FOXM1: variants seen among roughly 807,000 people sequenced by gnomAD.
FOXM1 encodes the protein forkhead box protein M1.
A neutral mutation model predicts 63.6 loss-of-function variants in FOXM1; 25 were observed. The ratio of observed to expected loss-of-function variants is 0.39; its 90% CI spans 0.29 to 0.55. FOXM1 has a LOEUF of 0.55. Ranked by LOEUF, FOXM1 falls within the 20% of genes least tolerant of loss-of-function variation. FOXM1 has a pLI of 0.60. For missense variants in FOXM1, 879 were observed against 958.7 expected (o/e 0.92, Z 1.10); for synonymous variants, 387 against 376.9 (o/e 1.03, Z -0.31).
rs1251642019 is a variant in FOXM1, at chr12:2,858,178, AG to A, written c.*459del. 1 of 155,728 alleles carries A rather than the reference AG, an allele frequency of 6.4e-6. No individual in the cohort carries two copies. Among genetic ancestry groups the A allele is most frequent in the Non-Finnish European group, 1.4e-5 (1 of 70,130 alleles). The allele number at this position is 155,728 out of a possible 1,614,324, so 9.6% of individuals were successfully genotyped here. On this transcript the variant is annotated 3_prime_UTR_variant, in exon 9 of 9. Coordinates refer to ENST00000359843, the MANE Select transcript of FOXM1 (RefSeq NM_021953.4). The stretch of plus-strand genomic sequence containing the variant: ...TTCCCTTCTATCAAAACTAAAAGCA[AG>A]GAACAGAAGTCAATTGAAACCCCAG...
chr12:2,865,468 G>T, intron 5 of FOXM1, 69 bp from the exon 6 acceptor site: 1 of 1,342,572 alleles, frequency 7.4e-7, no homozygotes, highest in Non-Finnish European at 1.1e-6. Flanking sequence ...AATTTGACCG[G>T]ATTGGGAAAA....
rs1183668823 is a variant in FOXM1 at position 2,869,992 on chromosome 12, C to CTT, written c.655-1240_655-1239dup. 8.0e-3 allele frequency among the ~76,000 whole-genome samples: 1,135 copies of CTT among 142,150 alleles called. 16 individuals carry two copies. Among genetic ancestry groups the CTT allele is most frequent in the African/African-American group, 0.027 (1,045 of 39,060 alleles). 93.3% of individuals were successfully genotyped at this position (142,150 alleles called of 152,430 possible). ...ACATATACACGCATGTAAATTTTCA[C>CTT]TTTTTTTTTTTTTTTGAGACAGAGT... is the stretch of plus-strand genomic sequence containing the variant. On this transcript the variant is annotated intron_variant, in intron 3 of 8. Coordinates refer to ENST00000359843, the MANE Select transcript of FOXM1 (RefSeq NM_021953.4).
chr12:2,876,008 G>A (rs1039423644), intron 1 of FOXM1, among the ~76,000 whole-genome samples: 6 of 151,104 alleles, frequency 4.0e-5, no homozygotes, highest in African/African-American at 7.3e-5. Context: ...TGATCCACCC[G>A]CCTCGGCCTC....
At position 2,874,404 on chromosome 12, in the gene FOXM1, A is replaced by C; in HGVS notation, c.75T>G (p.Ser25Arg). ...RLPLPVQNAPSETSEEEPKRS... is the reference protein window; with the variant it reads ...RLPLPVQNAPRETSEEEPKRS... ...TCTTAGGTTCCTCCTCTGATGTTTC[A>C]CTTGGGGCATTTTGAACAGGAAGGG... The change falls in exon 2 of 9, where the codon AGT becomes AGG. Residue 25 changes from serine to arginine, a missense_variant. By Grantham distance (110) the Ser-to-Arg change is moderately radical (BLOSUM62 -1). Transcript: ENST00000359843. This position sits in a 1 kb window ranked among gnomAD's most constrained non-coding sequence, Gnocchi z 4.3. The C allele has an allele frequency of 1.9e-6, 3 of 1,614,026 alleles. No homozygotes were observed. Among genetic ancestry groups the C allele is most frequent in the Non-Finnish European group, 2.5e-6 (3 of 1,180,008 alleles).
At chr12:2,862,855 A>G (rs2098116473) in intron 8 of FOXM1, among the ~76,000 whole-genome samples, 2 of 151,902 alleles carry the variant, frequency 1.3e-5, no homozygotes, top group African/African-American at 2.4e-5. Flanking sequence ...AAGATTTTAT[A>G]TATTAAAAAA....
rs2098096153 is a variant in FOXM1 at position 2,858,410 on chromosome 12, ACC to A, written c.*226_*227del. The A allele has an allele frequency of 2.1e-5, 11 of 516,990 alleles. No homozygotes were observed. Among genetic ancestry groups the A allele is most frequent in the Non-Finnish European group, 3.8e-5 (11 of 291,256 alleles). 32.0% of individuals were successfully genotyped at this position (516,990 alleles called of 1,614,324 possible). A position where few individuals can be genotyped will look rare whatever the true frequency, so the allele number is the denominator to read the frequency against. Reference sequence around the variant, plus strand: ...TTTCACCATTGCCTTTGTTGTTCCCACCCTTCAGCTCCTGGCAGGGACAGCAG... The same window carrying A: ...TTTCACCATTGCCTTTGTTGTTCCCACTTCAGCTCCTGGCAGGGACAGCAG... On this transcript the variant is annotated 3_prime_UTR_variant, in exon 9 of 9. Transcript: ENST00000359843.
At position 2,874,048 on chromosome 12, in the gene FOXM1, T is replaced by G; in HGVS notation, c.431A>C (p.Lys144Thr). 3 of 1,614,138 alleles carry G rather than the reference T, an allele frequency of 1.9e-6. No individual in the cohort carries two copies. Among genetic ancestry groups the G allele is most frequent in the Non-Finnish European group, 1.7e-6 (2 of 1,180,028 alleles). Residue 144 changes from lysine to threonine, a missense_variant, in exon 2 of 9, where the codon AAA (lysine) becomes ACA (threonine). Transcript: ENST00000359843. The surrounding 1 kb of genome is among the most constrained non-coding windows in gnomAD (Gnocchi z 4.3). ...TEVTLETLGP[K>T]PAARDVNLPR... The stretch of plus-strand genomic sequence containing the variant: ...AAGATTCACATCCCTAGCTGCAGGT[T>G]TTGGTCCCAAGGTCTCCAGGGTCAC...
At position 2,872,425 on chromosome 12, in the gene FOXM1, C is replaced by T. The variant is rs2098134765; in HGVS notation, c.503-178G>A. Among the ~76,000 whole-genome samples, 2 of 152,092 alleles carry T rather than the reference C, an allele frequency of 1.3e-5. No individual in the cohort carries two copies. Among genetic ancestry groups the T allele is most frequent in the African/African-American group, 4.8e-5 (2 of 41,424 alleles). On this transcript the variant is annotated intron_variant, in intron 2 of 8. Transcript: ENST00000359843. This position sits in a 1 kb window ranked among gnomAD's most constrained non-coding sequence, Gnocchi z 4.0. Reference sequence around the variant, plus strand: ...AGGAGTTCAAGACCAGCCTGGCCAACATGGTGAAACCTCGTCTCTACTAAA... The same window carrying T: ...AGGAGTTCAAGACCAGCCTGGCCAATATGGTGAAACCTCGTCTCTACTAAA...
intron 2 of FOXM1, among the ~76,000 whole-genome samples, chr12:2,873,586 A>T (rs7979111): frequency 0.18 from 26,515 of 143,960 alleles, 2,405 homozygotes; most frequent in South Asian, 0.26. Context: ...TTTCATTTTT[A>T]TTTTTTTTTT....
intron 6 of FOXM1, chr12:2,865,039 C>T: frequency 5.2e-6 from 3 of 580,504 alleles, no homozygotes; most frequent in Non-Finnish European, 9.2e-6. Flanking sequence ...ATATGCGTGG[C>T]AAAGAAAAGC....
Position 2,865,381 on chromosome 12 carries a change from G to A in FOXM1, c.994C>T (p.Pro332Ser). The stretch of plus-strand genomic sequence containing the variant: ...GATTCCAAGTGCTCGGGCAATTGTG[G>A]AGACCCTGGGTCCAGTGGCTGGTGG... Reference protein sequence around the residue: ...QVFKPLDPGSPQLPEHLESQQ... With the variant: ...QVFKPLDPGSSQLPEHLESQQ... The change falls in exon 6 of 9, where the codon CCA becomes TCA. Residue 332 changes from proline (P) to serine (S), a missense_variant. This residue lies in a region of FOXM1 where 76 missense variants were observed against 94.5 expected (regional missense o/e 0.80). Transcript: ENST00000359843. The A allele has an allele frequency of 1.9e-6, 3 of 1,611,146 alleles. No homozygotes were observed. Among genetic ancestry groups the A allele is most frequent in the Non-Finnish European group, 2.5e-6 (3 of 1,178,324 alleles).
At chr12:2,859,771 C>A in intron 8 of FOXM1, 108 bp from the exon 9 acceptor site, 1 of 791,182 alleles carries the variant, frequency 1.3e-6, no homozygotes, top group Non-Finnish European at 2.0e-6. Context: ...GTCTTAAAAT[C>A]TATTAAATAT....
chr12:2,862,435 A>G (rs945778568), intron 8 of FOXM1, among the ~76,000 whole-genome samples: 4 of 152,014 alleles, frequency 2.6e-5, no homozygotes, highest in African/African-American at 9.7e-5. Context: ...CTGCATGAAA[A>G]CCCAAACAGG....
rs1038734962 is a variant in FOXM1, at chr12:2,858,560, C to G, written c.*78G>C. The G allele has an allele frequency of 1.9e-5, 25 of 1,308,728 alleles. No homozygotes were observed. Among genetic ancestry groups the G allele is most frequent in the Non-Finnish European group, 2.5e-5 (24 of 944,596 alleles). 81.1% of individuals were successfully genotyped at this position (1,308,728 alleles called of 1,614,324 possible). The stretch of plus-strand genomic sequence containing the variant: ...GAACAGTCCCTGCCTGCTGTCCTCA[C>G]TCAGAGGCTTGGGGTGCACTGAGCC... On this transcript the variant is annotated 3_prime_UTR_variant, in exon 9 of 9. Transcript: ENST00000359843.
In FOXM1 at chr12:2,873,381, A is replaced by C. The variant is rs937799651; in HGVS notation, c.502+596T>G. Among the ~76,000 whole-genome samples the C allele has an allele frequency of 6.2e-5, 9 of 144,008 alleles. No homozygotes were observed. In the East Asian group the frequency reaches 1.7e-3, roughly 28 times the overall value. The allele number at this position is 144,008 out of a possible 152,430, so 94.5% of individuals were successfully genotyped here. A position where few individuals can be genotyped will look rare whatever the true frequency, so the allele number is the denominator to read the frequency against. ...ACCACTGCACTACAGCTTGGGCAAC[A>C]GAGCAAGACTCCATCTCAAAAAAAA... On this transcript the variant is annotated intron_variant, in intron 2 of 8. Transcript: ENST00000359843.
At position 2,874,161 on chromosome 12, in the gene FOXM1, G is replaced by T; in HGVS notation, c.318C>A (p.Phe106Leu). Residue 106 changes from phenylalanine to leucine, a missense_variant, in exon 2 of 9, where the codon TTC (phenylalanine) becomes TTA (leucine). Phe to Leu is a conservative substitution (Grantham distance 22). Around this residue, in one of 4 missense-constraint regions of FOXM1, gnomAD observed 255 missense variants for 292.4 expected, o/e 0.87. Coordinates refer to ENST00000359843, the MANE Select transcript of FOXM1 (RefSeq NM_021953.4). This position sits in a 1 kb window ranked among gnomAD's most constrained non-coding sequence, Gnocchi z 4.3. ...GGGCTCCCCCACAGCTGATGAGGAT[G>T]AATTTGTTGGGCCCACTACTGCCAC... is the stretch of plus-strand genomic sequence containing the variant. ...KESGSSGPNK[F>L]ILISCGGAPT... 4 of 1,614,184 alleles carry T rather than the reference G, an allele frequency of 2.5e-6. No homozygotes were observed. Among genetic ancestry groups the T allele is most frequent in the Non-Finnish European group, 3.4e-6 (4 of 1,180,042 alleles).
In FOXM1 at chr12:2,865,646, T is replaced by A. The variant is rs1227451867; in HGVS notation, c.976-247A>T. On this transcript the variant is annotated intron_variant, in intron 5 of 8. Coordinates refer to ENST00000359843, the MANE Select transcript of FOXM1 (RefSeq NM_021953.4). The stretch of plus-strand genomic sequence containing the variant: ...CTGGTCTCCAGCCTAAGGCAGGCTT[T>A]TTTTTTTTTTTTTTTTTTTTTTTGA... Among the ~76,000 whole-genome samples, 45 of 105,078 alleles carry A rather than the reference T, an allele frequency of 4.3e-4. 1 individual carries two copies. The highest frequency in any genetic ancestry group is 2.3e-3 in the African/African-American group (33 of 14,154). The allele number at this position is 105,078 out of a possible 152,430, so 68.9% of individuals were successfully genotyped here.
intron 8 of FOXM1, among the ~76,000 whole-genome samples, chr12:2,862,830 C>T (rs2098116433): frequency 6.6e-6 from 1 of 151,904 alleles, no homozygotes. Context: ...GTGTGAGCCA[C>T]TGTGCATGGC....
rs748643345 is a variant in FOXM1 at position 2,858,983 on chromosome 12, G to T, written c.1947C>A (p.Pro649=). 5.0e-6 allele frequency: 8 copies of T among 1,613,442 alleles called. No homozygotes were observed. The highest frequency in any genetic ancestry group is 5.1e-6 in the Non-Finnish European group (6 of 1,179,876). ...CCATCAGCCCCAGGGGGTCAGGCAA[G>T]GGGTCAGAGGCACCCTGGGAGGTTT... ...PVQTSQGASD[P]LPDPLGLMDL... The change falls in exon 9 of 9, where the codon CCC becomes CCA. Residue 649 remains proline (P), a synonymous_variant. Coordinates refer to ENST00000359843, the MANE Select transcript of FOXM1 (RefSeq NM_021953.4).
Sources: gnomAD v4.1 joint callset for allele counts (sites outside exome capture counted in the v4.1 genomes callset) on GRCh38, gnomAD v4.1.1 for gene constraint, gnomAD v4.1.1 regional missense constraint, Gnocchi (gnomAD v3.1) non-coding constraint, MANE v1.5 for transcripts, NCBI Gene and HGNC (gene_info 2026-07-23, HGNC 2026-07-21) for gene names.